SLC22A23: variants seen among roughly 807,000 people sequenced by gnomAD.
SLC22A23 encodes solute carrier family 22 member 23, also known as ion transporter protein.
In SLC22A23, 26 loss-of-function variants were observed where a neutral mutation model predicts 61.0. The observed-to-expected ratio is 0.43, with a 90% CI of 0.31 to 0.59. The LOEUF (loss-of-function observed/expected upper bound fraction) is 0.59. Among genes scored for constraint, SLC22A23 ranks in the 20% least tolerant of loss-of-function variants. The probability of loss-of-function intolerance (pLI) is 0.11; values close to 1 mark genes in which losing one functional copy is unlikely to be tolerated. For missense variants in SLC22A23, 796 were observed against 934.7 expected, an observed-to-expected ratio of 0.85 and a Z score of 1.94; for synonymous variants, 430 against 413.9, an observed-to-expected ratio of 1.04 and a Z score of -0.47.
At chr6:3,455,531 C>T (rs962941561) in intron 1 of SLC22A23, among the ~76,000 whole-genome samples, 6 of 152,186 alleles carry the variant, frequency 3.9e-5, no homozygotes, top group Non-Finnish European at 7.3e-5. Flanking sequence ...GTGGGAGACC[C>T]AGGGACAACT....
chr6:3,423,390 A>G (rs1770277955), intron 1 of SLC22A23, among the ~76,000 whole-genome samples: 2 of 152,312 alleles, frequency 1.3e-5, no homozygotes, highest in Admixed American at 1.3e-4. Context: ...CGTTTTGTAC[A>G]GGGCCCCGAT....
At chr6:3,365,613 C>T (rs1765758551) in intron 3 of SLC22A23, among the ~76,000 whole-genome samples, 1 of 152,174 alleles carries the variant, frequency 6.6e-6, no homozygotes, top group Non-Finnish European at 1.5e-5. Context: ...AAAGAGCTAA[C>T]ACTAAAGAAA....
At position 3,289,660 on chromosome 6, in the gene SLC22A23, T is replaced by C. The variant is rs1418849900; in HGVS notation, c.1313+104A>G. Reference sequence around the variant, plus strand: ...ACTCTTCACACACACACCCTTAGGATTCCAAGTTCAGCGGGGTGGGGAGCA... The same window carrying C: ...ACTCTTCACACACACACCCTTAGGACTCCAAGTTCAGCGGGGTGGGGAGCA... On this transcript the variant is annotated intron_variant, in intron 6 of 9. Transcript: ENST00000406686. The C allele has an allele frequency of 3.3e-6, 3 of 896,116 alleles. No homozygotes were observed. In the East Asian group the frequency reaches 7.7e-5, roughly 23 times the overall value. 55.5% of individuals were successfully genotyped at this position (896,116 alleles called of 1,614,324 possible).
chr6:3,402,451 G>A (rs1768473550), intron 3 of SLC22A23, among the ~76,000 whole-genome samples: 2 of 151,246 alleles, frequency 1.3e-5, no homozygotes, highest in Non-Finnish European at 2.9e-5. Context: ...GAGTGCACTA[G>A]GCTCTAGCTA....
intron 3 of SLC22A23, among the ~76,000 whole-genome samples, chr6:3,400,870 T>C (rs1308564672): frequency 1.3e-5 from 2 of 152,204 alleles, no homozygotes; most frequent in African/African-American, 4.8e-5. Flanking sequence ...TAACTGAATA[T>C]CCAGTTATTG....
chr6:3,277,628 G>A (rs961776487), intron 9 of SLC22A23, among the ~76,000 whole-genome samples: 1 of 152,138 alleles, frequency 6.6e-6, no homozygotes, highest in Non-Finnish European at 1.5e-5. Context: ...GTCTCTAATA[G>A]ACACCAGATG....
chr6:3,424,190 G>A (rs1179446608), intron 1 of SLC22A23, among the ~76,000 whole-genome samples: 1 of 152,132 alleles, frequency 6.6e-6, no homozygotes, highest in South Asian at 2.1e-4. Flanking sequence ...CCCAACCCCT[G>A]CCATGACCCA....
rs976516751 is a variant in SLC22A23, at chr6:3,390,501, T to A, written c.913+19687A>T. On this transcript the variant is annotated intron_variant, in intron 3 of 9. Transcript: ENST00000406686. The surrounding 1 kb of genome is among the most constrained non-coding windows in gnomAD (Gnocchi z 4.0). Reference sequence around the variant, plus strand: ...TGACCTTAGTCCACAGGATCTCTCATGAGAAGAAAGCCACACAGTTGGAGT... The same window carrying A: ...TGACCTTAGTCCACAGGATCTCTCAAGAGAAGAAAGCCACACAGTTGGAGT... Among the ~76,000 whole-genome samples, 1 of 152,190 alleles carries A rather than the reference T, an allele frequency of 6.6e-6. No individual in the cohort carries two copies. Among genetic ancestry groups the A allele is most frequent in the Admixed American group, 6.5e-5 (1 of 15,280 alleles).
intron 4 of SLC22A23, among the ~76,000 whole-genome samples, chr6:3,316,509 G>A (rs1436105484): frequency 4.6e-5 from 7 of 152,242 alleles, no homozygotes; most frequent in African/African-American, 1.7e-4. Context: ...GGGCGGGACT[G>A]TCTGCCTTGC....
intron 3 of SLC22A23, among the ~76,000 whole-genome samples, chr6:3,370,486 C>A (rs1417744498): frequency 6.6e-6 from 1 of 152,270 alleles, no homozygotes; most frequent in Non-Finnish European, 1.5e-5. Context: ...TGTGCTGCAA[C>A]CTTGCAACCA....
At chr6:3,436,431 C>G (rs919879293) in intron 1 of SLC22A23, among the ~76,000 whole-genome samples, 2 of 152,096 alleles carry the variant, frequency 1.3e-5, no homozygotes, top group African/African-American at 4.8e-5. Flanking sequence ...CCACTGTGCC[C>G]GGGCCCTTCT....
At chr6:3,305,857 G>C in intron 4 of SLC22A23, among the ~76,000 whole-genome samples, 1 of 152,228 alleles carries the variant, frequency 6.6e-6, no homozygotes, top group South Asian at 2.1e-4. Flanking sequence ...AGAAAGCCTT[G>C]AAGTTGGCTC....
At position 3,456,421 on chromosome 6, in the gene SLC22A23, C is replaced by T; in HGVS notation, c.139G>A (p.Gly47Ser). Residue 47 changes from glycine to serine, a missense_variant, in exon 1 of 10, where the codon GGC (glycine) becomes AGC (serine). Coordinates refer to ENST00000406686, the MANE Select transcript of SLC22A23 (RefSeq NM_015482.2). The surrounding 1 kb of genome is among the most constrained non-coding windows in gnomAD (Gnocchi z 7.1). The stretch of plus-strand genomic sequence containing the variant: ...GGGGGCAGCGGCTGGATCTCCGCGC[C>T]GCCGCCGGGGCCCGCGCGTCCCCCG... ...PLGGRAGPGG[G>S]AEIQPLPPLH... 7.3e-7 allele frequency: 1 copy of T among 1,366,048 alleles called. No individual in the cohort carries two copies. The highest frequency in any genetic ancestry group is 9.4e-7 in the Non-Finnish European group (1 of 1,058,774). 84.6% of individuals were successfully genotyped at this position (1,366,048 alleles called of 1,614,324 possible). A position where few individuals can be genotyped will look rare whatever the true frequency, so the allele number is the denominator to read the frequency against.
At chr6:3,436,583 G>A (rs541614111) in intron 1 of SLC22A23, among the ~76,000 whole-genome samples, 21 of 152,142 alleles carry the variant, frequency 1.4e-4, no homozygotes, top group African/African-American at 4.1e-4. Flanking sequence ...GCTCCTTCCC[G>A]TTACAGGGCG....
In SLC22A23 at chr6:3,309,575, C is replaced by T. The variant is rs1034239700; in HGVS notation, c.1083-11357G>A. 1.3e-5 allele frequency among the ~76,000 whole-genome samples: 2 copies of T among 151,678 alleles called. No individual in the cohort carries two copies. Among genetic ancestry groups the T allele is most frequent in the South Asian group, 2.1e-4 (1 of 4,812 alleles). ...GACCATAATAAGGACTGTGGGCTGA[C>T]GAGCAGGTGGCACCTGACCATAATA... On this transcript the variant is annotated intron_variant, in intron 4 of 9. Coordinates refer to ENST00000406686, the MANE Select transcript of SLC22A23 (RefSeq NM_015482.2). This position sits in a 1 kb window ranked among gnomAD's most constrained non-coding sequence, Gnocchi z 4.7.
At chr6:3,319,085 C>A (rs1762802643) in intron 4 of SLC22A23, among the ~76,000 whole-genome samples, 1 of 152,218 alleles carries the variant, frequency 6.6e-6, no homozygotes, top group Non-Finnish European at 1.5e-5. Flanking sequence ...ACAGATGGGT[C>A]CTCACAGAGC....
chr6:3,311,048 T>C (rs1460929121), intron 4 of SLC22A23, among the ~76,000 whole-genome samples: 1 of 152,374 alleles, frequency 6.6e-6, no homozygotes, highest in East Asian at 1.9e-4. Flanking sequence ...AAACATGCAC[T>C]GGGCACCATC....
At chr6:3,434,184 A>C (rs1293080538) in intron 1 of SLC22A23, among the ~76,000 whole-genome samples, 1 of 151,816 alleles carries the variant, frequency 6.6e-6, no homozygotes, top group African/African-American at 2.4e-5. Context: ...GTGGTGGTGC[A>C]TGCCTGTAAT....
chr6:3,451,236 C>T (rs886368788), intron 1 of SLC22A23, among the ~76,000 whole-genome samples: 1 of 152,238 alleles, frequency 6.6e-6, no homozygotes, highest in Non-Finnish European at 1.5e-5. Context: ...CTCACTCTGT[C>T]GCCCGGACTG....
Sources: gnomAD v4.1 joint callset for allele counts (sites outside exome capture counted in the v4.1 genomes callset) on GRCh38, gnomAD v4.1.1 for gene constraint, Gnocchi (gnomAD v3.1) non-coding constraint, MANE v1.5 for transcripts, NCBI Gene and HGNC (gene_info 2026-07-23, HGNC 2026-07-21) for gene names.